Variants in GPD2 observed in about 807,000 individuals in gnomAD.
GPD2 encodes glycerol-3-phosphate dehydrogenase 2, also known as glycerol-3-phosphate dehydrogenase, mitochondrial.
Under a neutral mutation model 82.4 loss-of-function variants are expected in GPD2, and 54 were observed. That is an observed-to-expected ratio of 0.66 (90% CI 0.53 to 0.82). GPD2 has a LOEUF of 0.82. Ranked by LOEUF, GPD2 falls within the 40% of genes least tolerant of loss-of-function variation. The probability of loss-of-function intolerance (pLI) is 0.00; values close to 1 mark genes in which losing one functional copy is unlikely to be tolerated. For missense variants in GPD2, 748 were observed against 896.2 expected (o/e 0.83, Z 2.11); for synonymous variants, 288 against 306.1 (o/e 0.94, Z 0.62).
intron 1 of GPD2, among the ~76,000 whole-genome samples, chr2:156,463,692 C>A (rs11899734): frequency 0.014 from 2,131 of 152,176 alleles, 21 homozygotes; most frequent in Non-Finnish European, 0.023. Flanking sequence ...CAGAATACCC[C>A]CTGATGATTT....
Position 156,476,166 on chromosome 2 carries a change from GT to G in GPD2, c.65del (p.Leu22Ter). 1 of 1,609,892 alleles carries G rather than the reference GT, an allele frequency of 6.2e-7. No individual in the cohort carries two copies. The highest frequency in any genetic ancestry group is 8.5e-7 in the Non-Finnish European group (1 of 1,176,198). On this transcript the variant is annotated frameshift_variant, in exon 2 of 17. Coordinates refer to ENST00000438166, the MANE Select transcript of GPD2 (RefSeq NM_000408.5). LOFTEE classifies it high-confidence loss of function. ...ILVGGGALATVLGLSQFAHYR... is the reference protein window; with the variant it reads ...ILVGGGALATXLGLSQFAHYR... ...TGTTGGAGGAGGTGCTCTTGCAACT[GT>G]TTTAGGACTTTCTCAGTTTGCTCAT...
chr2:156,459,372 T>C (rs866252897), intron 1 of GPD2, among the ~76,000 whole-genome samples: 12 of 152,040 alleles, frequency 7.9e-5, no homozygotes, highest in Non-Finnish European at 1.5e-4. Flanking sequence ...GCAAGGGTTA[T>C]GGGTCCAGCA....
intron 8 of GPD2, among the ~76,000 whole-genome samples, chr2:156,553,868 C>T (rs778392826): frequency 6.6e-6 from 1 of 152,180 alleles, no homozygotes; most frequent in Non-Finnish European, 1.5e-5. Context: ...AGCTTTAGGT[C>T]TCCTGAAGCA....
At chr2:156,529,153 CATT>C (rs1315683348) in intron 6 of GPD2, among the ~76,000 whole-genome samples, 1 of 149,058 alleles carries the variant, frequency 6.7e-6, no homozygotes, top group Non-Finnish European at 1.5e-5. Context: ...GATGGTATCT[CATT>C]GTGGTTTTGA....
intron 6 of GPD2, among the ~76,000 whole-genome samples, chr2:156,519,249 T>C (rs1239960660): frequency 6.6e-6 from 1 of 152,176 alleles, no homozygotes; most frequent in Non-Finnish European, 1.5e-5. Context: ...ATTTTATTTC[T>C]TTGATAATTG....
Position 156,585,475 on chromosome 2 carries a change from T to C in GPD2, c.*2557T>C, listed in dbSNP as rs761091908. 1.3e-5 allele frequency: 2 copies of C among 152,394 alleles called. No homozygotes were observed. Among genetic ancestry groups the C allele is most frequent in the Middle Eastern group, 3.2e-3 (1 of 316 alleles). 9.4% of individuals were successfully genotyped at this position (152,394 alleles called of 1,614,324 possible). A position where few individuals can be genotyped will look rare whatever the true frequency, so the allele number is the denominator to read the frequency against. The stretch of plus-strand genomic sequence containing the variant: ...GCCCCCACCACAGTCATAACAATAA[T>C]GATAATGCTGGATTATTTGTTAAGC... On this transcript the variant is annotated 3_prime_UTR_variant, in exon 17 of 17. Coordinates refer to ENST00000438166, the MANE Select transcript of GPD2 (RefSeq NM_000408.5).
chr2:156,431,885 CTTT>C (rs34394250), upstream of GPD2, among the ~76,000 whole-genome samples: 15 of 119,936 alleles, frequency 1.3e-4, no homozygotes, highest in Non-Finnish European at 1.4e-4. Context: ...TCTGTGAAAT[CTTT>C]TTTTTTTTTT....
chr2:156,513,425 A>G lies in GPD2; in HGVS notation c.590A>G (p.Lys197Arg). ...NCLKSSYVLSKSRALEHFPML... is the reference protein window; with the variant it reads ...NCLKSSYVLSRSRALEHFPML... ...CTAAAAAGCAGTTATGTCCTCAGCAAATCAAGAGCCCTTGAACATTTCCCA... is the reference window on the plus strand; with the variant it reads ...CTAAAAAGCAGTTATGTCCTCAGCAGATCAAGAGCCCTTGAACATTTCCCA... The change falls in exon 6 of 17, where the codon AAA becomes AGA. Residue 197 changes from lysine (K) to arginine (R), a missense_variant. Physicochemically the swap from Lys to Arg is conservative, Grantham distance 26. This residue lies in a region of GPD2 where 692 missense variants were observed against 809.7 expected (regional missense o/e 0.85). Transcript: ENST00000438166. 1 of 1,613,008 alleles carries G rather than the reference A, an allele frequency of 6.2e-7. No individual in the cohort carries two copies. Among genetic ancestry groups the G allele is most frequent in the South Asian group, 1.1e-5 (1 of 91,052 alleles).
At chr2:156,434,753 G>C (rs1363506557), upstream of GPD2, among the ~76,000 whole-genome samples, 1 of 152,108 alleles carries the variant, frequency 6.6e-6, no homozygotes, top group South Asian at 2.1e-4. Flanking sequence ...TTTAAACCGT[G>C]GTTCTCAAAC....
At chr2:156,475,274 A>G (rs181820032) in intron 1 of GPD2, among the ~76,000 whole-genome samples, 1 of 152,306 alleles carries the variant, frequency 6.6e-6, no homozygotes, top group African/African-American at 2.4e-5. Context: ...AGCAGGTTAA[A>G]TTGGTCAGTT....
At chr2:156,417,329 A>T in the GPD2 span, among the ~76,000 whole-genome samples, 6 of 152,194 alleles carry the variant, frequency 3.9e-5, no homozygotes, top group Non-Finnish European at 8.8e-5. Context: ...AAAAAGGATC[A>T]CTGAAATGTT....
At chr2:156,568,688 C>T in intron 9 of GPD2, 137 bp from the exon 10 acceptor site, 1 of 724,386 alleles carries the variant, frequency 1.4e-6, no homozygotes, top group South Asian at 1.5e-5. Flanking sequence ...ACTTAGTTCT[C>T]ATCTTTAGGC....
At chr2:156,544,261 C>A (rs1686439524) in intron 6 of GPD2, among the ~76,000 whole-genome samples, 2 of 152,124 alleles carry the variant, frequency 1.3e-5, no homozygotes, top group Admixed American at 1.3e-4. Flanking sequence ...CTCCTGGTAC[C>A]ATTAGGCTAA....
At chr2:156,562,430 G>A (rs563835777) in intron 9 of GPD2, among the ~76,000 whole-genome samples, 1 of 152,044 alleles carries the variant, frequency 6.6e-6, no homozygotes, top group Non-Finnish European at 1.5e-5. Context: ...ATGTAATATG[G>A]TATCTTATTT....
At chr2:156,559,358 TG>T (rs1687085390) in intron 9 of GPD2, among the ~76,000 whole-genome samples, 1 of 152,222 alleles carries the variant, frequency 6.6e-6, no homozygotes, top group Non-Finnish European at 1.5e-5. Flanking sequence ...GTTTTTGATA[TG>T]GTAGCCATTT....
In GPD2 at chr2:156,550,678, T is replaced by C. The variant is rs1416229576; in HGVS notation, c.903T>C (p.Asp301=). Residue 301 remains aspartate, a synonymous_variant, in exon 8 of 17, where the codon GAT becomes GAC. Coordinates refer to ENST00000438166, the MANE Select transcript of GPD2 (RefSeq NM_000408.5). ...TCACGGACTCTGTGCGCAAAATGGA[T>C]GATAAAGACGCAGCAGCTATCTGCC... ...GPFTDSVRKM[D]DKDAAAICQP... is the part of the protein sequence containing the mutation. 6.2e-7 allele frequency: 1 copy of C among 1,613,904 alleles called. No individual in the cohort carries two copies. The highest frequency in any genetic ancestry group is 8.5e-7 in the Non-Finnish European group (1 of 1,179,798).
chr2:156,485,813 G>A (rs1683918267), intron 2 of GPD2, among the ~76,000 whole-genome samples: 2 of 152,142 alleles, frequency 1.3e-5, no homozygotes. Flanking sequence ...AAAAGAAAAA[G>A]TTTTGTTAAG....
intron 2 of GPD2, among the ~76,000 whole-genome samples, chr2:156,480,940 G>T (rs1380510033): frequency 6.6e-6 from 1 of 151,324 alleles, no homozygotes; most frequent in African/African-American, 2.4e-5. Flanking sequence ...ATTCTAAGAA[G>T]ATCATTCCTC....
the GPD2 span, among the ~76,000 whole-genome samples, chr2:156,408,710 G>GT: frequency 1.5e-5 from 2 of 134,024 alleles, no homozygotes; most frequent in African/African-American, 2.8e-5. Context: ...ACTGCACCTG[G>GT]TAAAAAAAAA....
Sources: gnomAD v4.1 joint callset for allele counts (sites outside exome capture counted in the v4.1 genomes callset) on GRCh38, gnomAD v4.1.1 for gene constraint, gnomAD v4.1.1 regional missense constraint, MANE v1.5 for transcripts, NCBI Gene and HGNC (gene_info 2026-07-23, HGNC 2026-07-21) for gene names.